The following DNAH5 variants were observed in gnomAD, a reference collection of about 807,000 sequenced individuals.
DNAH5 encodes the protein axonemal beta dynein heavy chain 5.
DNAH5 carries 372 observed loss-of-function variants against 518.2 expected under a neutral mutation model. The ratio of observed to expected loss-of-function variants is 0.72; its 90% CI spans 0.66 to 0.78. The LOEUF (loss-of-function observed/expected upper bound fraction) is 0.78. Among genes scored for constraint, DNAH5 ranks in the 30% least tolerant of loss-of-function variants. The probability of loss-of-function intolerance (pLI) is 0.00; values close to 1 mark genes in which losing one functional copy is unlikely to be tolerated. For synonymous variants in DNAH5, 2,039 were observed against 2,025.9 expected, an observed-to-expected ratio of 1.01 and a Z score of -0.17; for missense variants, 5,523 against 5,687.0, an observed-to-expected ratio of 0.97 and a Z score of 0.93.
chr5:13,715,535 A>G (rs1268715937), intron 74 of DNAH5, among the ~76,000 whole-genome samples: 4 of 152,256 alleles, frequency 2.6e-5, no homozygotes, highest in Non-Finnish European at 5.9e-5. Flanking sequence ...AATATATGAT[A>G]AACTCATTAC....
intron 47 of DNAH5, among the ~76,000 whole-genome samples, chr5:13,805,411 T>C (rs531196292): frequency 6.6e-6 from 1 of 152,168 alleles, no homozygotes; most frequent in Non-Finnish European, 1.5e-5. Flanking sequence ...GGCAGGAGAA[T>C]TGCTTGAACC....
chr5:13,849,036 T>G (rs1481862935), intron 31 of DNAH5, among the ~76,000 whole-genome samples: 1 of 152,228 alleles, frequency 6.6e-6, no homozygotes. Context: ...TGGACAACCA[T>G]GTACGCATGG....
intron 3 of DNAH5, among the ~76,000 whole-genome samples, chr5:13,925,541 A>C (rs1259045007): frequency 3.3e-5 from 5 of 152,212 alleles, no homozygotes. Flanking sequence ...AGCAGAAGGC[A>C]AGGAGGAGCA....
chr5:13,868,039 A>C (rs778851392), intron 24 of DNAH5, 47 bp from the exon 25 acceptor site: 1 of 1,308,600 alleles, frequency 7.6e-7, no homozygotes, highest in South Asian at 1.2e-5. Flanking sequence ...CAGATGCATA[A>C]ATCTACACAC....
chr5:13,817,850 C>T (rs1189833793), intron 41 of DNAH5, among the ~76,000 whole-genome samples, 156 bp from the exon 42 acceptor site: 1 of 152,154 alleles, frequency 6.6e-6, no homozygotes, highest in Non-Finnish European at 1.5e-5. Context: ...TTCTAAGTTA[C>T]CATAATTAGC....
intron 52 of DNAH5, among the ~76,000 whole-genome samples, chr5:13,783,310 G>A (rs768768918): frequency 6.6e-6 from 1 of 152,116 alleles, no homozygotes; most frequent in Non-Finnish European, 1.5e-5. Flanking sequence ...GCTTATTTGG[G>A]GGACTTGATT....
At chr5:13,976,687 GTGTATA>G (rs1466657370) in intron 1 of DNAH5, among the ~76,000 whole-genome samples, 7 of 121,314 alleles carry the variant, frequency 5.8e-5, no homozygotes, top group Admixed American at 1.7e-4. Flanking sequence ...ATGTGTGTGT[GTGTATA>G]TATATATATA....
rs1207532948 is a variant in DNAH5 at position 13,707,762 on chromosome 5, C to A, written c.13338+361G>T. Among the ~76,000 whole-genome samples, 2 of 151,986 alleles carry A rather than the reference C, an allele frequency of 1.3e-5. No individual in the cohort carries two copies. Among genetic ancestry groups the A allele is most frequent in the Non-Finnish European group, 1.5e-5 (1 of 68,016 alleles). ...CCTTCTATGAAACCAACATCATGGA[C>A]TTTGGAGTCCAGGAGCTTGGGTTTA... On this transcript the variant is annotated intron_variant, in intron 76 of 78. Transcript: ENST00000265104. This position sits in a 1 kb window ranked among gnomAD's most constrained non-coding sequence, Gnocchi z 4.0.
rs189478628 is a variant in DNAH5, at chr5:13,872,822, G to T, written c.3397-1057C>A. On this transcript the variant is annotated intron_variant, in intron 22 of 78. Coordinates refer to ENST00000265104, the MANE Select transcript of DNAH5 (RefSeq NM_001369.3). ...CCCCCTCCATCACTTCTTCCTTTTG[G>T]ATTGATTTGGCTACCACCTGTCTTA... Among the ~76,000 whole-genome samples the T allele has an allele frequency of 1.2e-3, 182 of 152,132 alleles. 1 individual carries two copies. The highest frequency in any genetic ancestry group is 4.2e-3 in the African/African-American group (175 of 41,492).
At chr5:13,750,489 T>G (rs1382222210) in intron 65 of DNAH5, among the ~76,000 whole-genome samples, 2 of 152,350 alleles carry the variant, frequency 1.3e-5, no homozygotes, top group East Asian at 3.9e-4. Flanking sequence ...GAGTTATGTT[T>G]CATTAGCATA....
At chr5:13,804,886 G>C (rs944325135) in intron 47 of DNAH5, among the ~76,000 whole-genome samples, 3 of 152,188 alleles carry the variant, frequency 2.0e-5, no homozygotes, top group Non-Finnish European at 2.9e-5. Flanking sequence ...TCCAGGAAAC[G>C]AGTACATATT....
In DNAH5 at chr5:13,866,041, G is replaced by T. The variant is rs61041034; in HGVS notation, c.4117-135C>A. 8 of 878,564 alleles carry T rather than the reference G, an allele frequency of 9.1e-6. No individual in the cohort carries two copies. In the African/African-American group the frequency reaches 1.2e-4, roughly 13 times the overall value. The allele number at this position is 878,564 out of a possible 1,614,324, so 54.4% of individuals were successfully genotyped here. ...CACATGTAAATAGGAATACTAAGTT[G>T]GCATAATTAATTCATAGAAACTACT... On this transcript the variant is annotated intron_variant, in intron 26 of 78. Transcript: ENST00000265104.
chr5:13,758,921 C>T lies in DNAH5; in HGVS notation c.10344G>A (p.Gln3448=), dbSNP rs2126727987. 1 of 1,614,186 alleles carries T rather than the reference C, an allele frequency of 6.2e-7. No homozygotes were observed. Among genetic ancestry groups the T allele is most frequent in the Middle Eastern group, 1.7e-4 (1 of 6,060 alleles). Reference sequence around the variant, plus strand: ...CCGCCTGCTTGTCATCCAACTCGGCCTGGGCTTTCTGCAGATCCTGCATGG... The same window carrying T: ...CCGCCTGCTTGTCATCCAACTCGGCTTGGGCTTTCTGCAGATCCTGCATGG... ...LLAMQDLQKA[Q]AELDDKQAEL... Residue 3448 remains glutamine (Q), a synonymous_variant, in exon 61 of 79, where the codon CAG becomes CAA. Transcript: ENST00000265104.
chr5:13,868,264 C>T (rs1769571216), intron 24 of DNAH5, among the ~76,000 whole-genome samples: 1 of 152,126 alleles, frequency 6.6e-6, no homozygotes, highest in Non-Finnish European at 1.5e-5. Flanking sequence ...ATTTTGAAAA[C>T]CATAAACCAT....
At chr5:13,845,130 G>T (rs1205595918) in intron 31 of DNAH5, 137 bp from the exon 32 acceptor site, 5 of 789,704 alleles carry the variant, frequency 6.3e-6, no homozygotes, top group South Asian at 1.7e-5. Context: ...ACTTCTCACT[G>T]TTTTTAATTT....
chr5:13,798,233 A>C (rs2126939895), intron 47 of DNAH5, among the ~76,000 whole-genome samples: 1 of 152,280 alleles, frequency 6.6e-6, no homozygotes, highest in South Asian at 2.1e-4. Context: ...TAACTGAAAG[A>C]AGGGACACTG....
intron 35 of DNAH5, among the ~76,000 whole-genome samples, chr5:13,837,409 A>G (rs1764535663): frequency 6.6e-6 from 1 of 152,156 alleles, no homozygotes; most frequent in African/African-American, 2.4e-5. Flanking sequence ...GATTCAGTAG[A>G]AAGTGAAAAT....
At chr5:13,751,377 C>A in intron 64 of DNAH5, 117 bp from the exon 65 acceptor site, 1 of 1,051,682 alleles carries the variant, frequency 9.5e-7, no homozygotes, top group Non-Finnish European at 1.4e-6. Flanking sequence ...CATTTGTATA[C>A]TAAAAAAGAA....
chr5:13,987,184 C>T (rs918114120), intron 1 of DNAH5, among the ~76,000 whole-genome samples: 4 of 152,028 alleles, frequency 2.6e-5, no homozygotes, highest in Admixed American at 1.3e-4. Flanking sequence ...ACACTTTTCC[C>T]TCACTCTTGC....
Sources: allele counts gnomAD v4.1 joint callset (sites outside exome capture counted in the v4.1 genomes callset), GRCh38; gene constraint gnomAD v4.1.1; non-coding constraint Gnocchi (gnomAD v3.1); transcripts MANE v1.5; gene names NCBI Gene and HGNC (gene_info 2026-07-23, HGNC 2026-07-21).